NF1: variants seen among roughly 807,000 people sequenced by gnomAD.
NF1 encodes neurofibromin 1.
A neutral mutation model predicts 325.7 loss-of-function variants in NF1; 122 were observed. The ratio of observed to expected loss-of-function variants is 0.37; its 90% CI spans 0.32 to 0.44. The LOEUF is 0.44. NF1 is among the 20% of genes least tolerant of loss of function. The probability of loss-of-function intolerance (pLI) is 1.00; values close to 1 mark genes in which losing one functional copy is unlikely to be tolerated. For synonymous variants in NF1, 1,091 were observed against 1,186.0 expected (o/e 0.92, Z 1.65); for missense variants, 2,140 against 3,415.4 (o/e 0.63, Z 9.31).
chr17:31,335,344 A>G (rs2069638107), intron 40 of NF1, among the ~76,000 whole-genome samples: 1 of 76,514 alleles, frequency 1.3e-5, no homozygotes. Context: ...TTATATATAT[A>G]TTATATAGAA....
At chr17:31,165,471 C>T (rs1044553077) in intron 4 of NF1, among the ~76,000 whole-genome samples, 2 of 152,200 alleles carry the variant, frequency 1.3e-5, no homozygotes, top group African/African-American at 4.8e-5. Flanking sequence ...CTTATGCTGT[C>T]ATCGTCATAG....
chr17:31,289,575 C>A (rs2068307164), intron 36 of NF1, among the ~76,000 whole-genome samples: 1 of 152,200 alleles, frequency 6.6e-6, no homozygotes, highest in South Asian at 2.1e-4. Context: ...ATACATGGTT[C>A]TATGTCCTAT....
chr17:31,254,754 C>CA (rs762753087), intron 31 of NF1, among the ~76,000 whole-genome samples: 2 of 151,514 alleles, frequency 1.3e-5, no homozygotes, highest in African/African-American at 2.4e-5. Flanking sequence ...GAGTTATTTT[C>CA]AAAAAATTTT....
rs554447272 is a variant in NF1, at chr17:31,260,045, A to G, written c.4431-324A>G. Among the ~76,000 whole-genome samples, 4 of 152,300 alleles carry G rather than the reference A, an allele frequency of 2.6e-5. No individual in the cohort carries two copies. In the South Asian group the frequency reaches 8.3e-4, roughly 32 times the overall value. Reference sequence around the variant, plus strand: ...AATCCTGGCTCTGACCTAGCAGGCTATATATCTTTGGGGAGGTCTTTCGTC... The same window carrying G: ...AATCCTGGCTCTGACCTAGCAGGCTGTATATCTTTGGGGAGGTCTTTCGTC... On this transcript the variant is annotated intron_variant, in intron 33 of 57. Transcript: ENST00000358273.
chr17:31,180,117 CA>C (rs2066099501), intron 5 of NF1, among the ~76,000 whole-genome samples: 1 of 152,088 alleles, frequency 6.6e-6, no homozygotes, highest in Non-Finnish European at 1.5e-5. Flanking sequence ...AATAGCCTAC[CA>C]ACCAAAAAAA....
At chr17:31,342,986 C>T (rs2151564852) in intron 47 of NF1, 23 bp from the exon 48 acceptor site, 1 of 1,613,842 alleles carries the variant, frequency 6.2e-7, no homozygotes, top group Non-Finnish European at 8.5e-7. Flanking sequence ...CCTCATCAAC[C>T]ATCTCATGAT....
chr17:31,134,352 T>C (rs1597600390), intron 1 of NF1, among the ~76,000 whole-genome samples: 1 of 152,368 alleles, frequency 6.6e-6, no homozygotes, highest in African/African-American at 2.4e-5. Context: ...TTTTCAATTA[T>C]GATTTCTCCT....
At position 31,156,066 on chromosome 17, in the gene NF1, A is replaced by G. The variant is rs763375105; in HGVS notation, c.144A>G (p.Lys48=). ...HNKECLINIS[K]YKFSLVISGL... is the part of the protein sequence containing the mutation. ...AGGAATGTCTAATCAATATTTCCAA[A>G]TACAAGTTTTCTTTGGTTATAAGCG... The change falls in exon 2 of 58, where the codon AAA becomes AAG. Residue 48 remains lysine (K), a synonymous_variant. Coordinates refer to ENST00000358273, the MANE Select transcript of NF1 (RefSeq NM_001042492.3). The G allele has an allele frequency of 6.8e-6, 11 of 1,613,814 alleles. No individual in the cohort carries two copies. The East Asian group carries it at 2.5e-4, about 36-fold the overall frequency.
chr17:31,238,891 C>CT (rs1396774406), intron 29 of NF1, among the ~76,000 whole-genome samples: 1 of 152,278 alleles, frequency 6.6e-6, no homozygotes, highest in African/African-American at 2.4e-5. Flanking sequence ...AATAAGAGCA[C>CT]TAGAGGAAAT....
At chr17:31,326,815 G>A (rs912460804) in intron 37 of NF1, among the ~76,000 whole-genome samples, 4 of 152,184 alleles carry the variant, frequency 2.6e-5, no homozygotes, top group Non-Finnish European at 4.4e-5. Context: ...GTAGGAATGT[G>A]TGGAGAGTAG....
At chr17:31,275,551 G>A (rs140356508) in intron 36 of NF1, among the ~76,000 whole-genome samples, 1 of 152,066 alleles carries the variant, frequency 6.6e-6, no homozygotes, top group Non-Finnish European at 1.5e-5. Context: ...AGGTATTTCT[G>A]TATAGGAGAA....
rs1060500263 is a variant in NF1 at position 31,229,256 on chromosome 17, A to T, written c.2641A>T (p.Met881Leu). The change falls in exon 21 of 58, where the codon ATG becomes TTG. Residue 881 changes from methionine to leucine, a missense_variant. Physicochemically the swap from Met to Leu is conservative, Grantham distance 15. Transcript: ENST00000358273. Reference sequence around the variant, plus strand: ...ACGTAAGGGTTCTATGATTTCAGTGATGTCTTCAGAGGGAAACGCAGATAC... The same window carrying T: ...ACGTAAGGGTTCTATGATTTCAGTGTTGTCTTCAGAGGGAAACGCAGATAC... ...SERKGSMISV[M>L]SSEGNADTPV... 1 of 1,613,124 alleles carries T rather than the reference A, an allele frequency of 6.2e-7. No individual in the cohort carries two copies. The highest frequency in any genetic ancestry group is 2.2e-5 in the East Asian group (1 of 44,884).
rs2068160669 is a variant in NF1 at position 31,283,387 on chromosome 17, A to G, written c.4835+18048A>G. On this transcript the variant is annotated intron_variant, in intron 36 of 57. Transcript: ENST00000358273. ...AGCTGAGATGGCGCCACTGCACTCC[A>G]GCCTGGGCGACAGAGTGAGACTCCA... Among the ~76,000 whole-genome samples the G allele has an allele frequency of 2.0e-5, 3 of 151,756 alleles. No individual in the cohort carries two copies. The South Asian group carries it at 6.3e-4, about 32-fold the overall frequency.
At chr17:31,351,069 T>G (rs1243162822) in intron 50 of NF1, among the ~76,000 whole-genome samples, 1 of 152,220 alleles carries the variant, frequency 6.6e-6, no homozygotes, top group African/African-American at 2.4e-5. Context: ...AGTCTTACTT[T>G]CGTCAGTCCC....
At chr17:31,132,114 G>T (rs906559632) in intron 1 of NF1, among the ~76,000 whole-genome samples, 4 of 151,878 alleles carry the variant, frequency 2.6e-5, no homozygotes, top group Non-Finnish European at 4.4e-5. Flanking sequence ...AATTTTTTTT[G>T]TAGAGACGGG....
At chr17:31,295,087 T>C (rs759877753) in intron 36 of NF1, 66 of 1,613,996 alleles carry the variant, frequency 4.1e-5, no homozygotes, top group Non-Finnish European at 5.3e-5. Context: ...CCACAGAAGG[T>C]AATGGAGTCT....
chr17:31,346,847 GTT>G (rs950693434), intron 48 of NF1, among the ~76,000 whole-genome samples: 2 of 71,652 alleles, frequency 2.8e-5, no homozygotes, highest in African/African-American at 1.1e-4. Flanking sequence ...TTTTACATCT[GTT>G]TTCACTCTTA....
Position 31,338,151 on chromosome 17 carries a change from G to T in NF1, c.6819+12G>T, listed in dbSNP as rs2151558468. 6.5e-7 allele frequency: 1 copy of T among 1,544,596 alleles called. No homozygotes were observed. The highest frequency in any genetic ancestry group is 9.0e-7 in the Non-Finnish European group (1 of 1,116,770). On this transcript the variant is annotated intron_variant, in intron 45 of 57. Coordinates refer to ENST00000358273, the MANE Select transcript of NF1 (RefSeq NM_001042492.3). ...GTATTCTTAGCAAGGTACCTGTTCCGCCCTCACTTCTCCCAAATATTTATG... is the reference window on the plus strand; with the variant it reads ...GTATTCTTAGCAAGGTACCTGTTCCTCCCTCACTTCTCCCAAATATTTATG...
chr17:31,363,720 G>A (rs1475538149), intron 57 of NF1, among the ~76,000 whole-genome samples: 1 of 150,844 alleles, frequency 6.6e-6, no homozygotes, highest in Non-Finnish European at 1.5e-5. Context: ...ACAGGCGTGA[G>A]CCACTGCGCC....
Sources: allele counts gnomAD v4.1 joint callset (sites outside exome capture counted in the v4.1 genomes callset), GRCh38; gene constraint gnomAD v4.1.1; transcripts MANE v1.5; gene names NCBI Gene and HGNC (gene_info 2026-07-23, HGNC 2026-07-21).